The following NECTIN4 variants were observed in gnomAD, a reference collection of about 807,000 sequenced individuals.
The protein encoded by NECTIN4 is nectin-4.
In NECTIN4, 19 loss-of-function variants were observed where a neutral mutation model predicts 51.7. The observed-to-expected ratio is 0.37, with a 90% CI of 0.26 to 0.54. The LOEUF (loss-of-function observed/expected upper bound fraction) is 0.54, where lower values mean the gene tolerates loss of function less well. NECTIN4 is among the 20% of genes least tolerant of loss of function. The probability of loss-of-function intolerance (pLI) is 0.86; values close to 1 mark genes in which losing one functional copy is unlikely to be tolerated. For synonymous variants in NECTIN4, 283 were observed against 286.9 expected, an observed-to-expected ratio of 0.99 and a Z score of 0.14; for missense variants, 619 against 662.4, an observed-to-expected ratio of 0.93 and a Z score of 0.72.
chr1:161,073,865 G>A (rs755777797), intron 6 of NECTIN4, 70 bp from the exon 7 acceptor site: 172 of 1,400,350 alleles, frequency 1.2e-4, no homozygotes, highest in Middle Eastern at 1.8e-4. Context: ...TATCCTGGCT[G>A]AGCCTAGTGA....
chr1:161,074,698 G>T lies in NECTIN4; in HGVS notation c.913C>A (p.Leu305Met). ...TAGATGCCGCTGTGCTCAGTGGTCA[G>T]TGGGGGAAAGCCCAAAGTGTCCCCA... ...VDGDTLGFPP[L>M]TTEHSGIYVC... The change falls in exon 5 of 9, where the codon CTG becomes ATG. Residue 305 changes from leucine (L) to methionine (M), a missense_variant. Leu to Met is a conservative substitution (Grantham distance 15, BLOSUM62 2). This residue lies in a region of NECTIN4 where 364 missense variants were observed against 415.7 expected (regional missense o/e 0.88). Coordinates refer to ENST00000368012, the MANE Select transcript of NECTIN4 (RefSeq NM_030916.3). 1 of 1,614,228 alleles carries T rather than the reference G, an allele frequency of 6.2e-7. No individual in the cohort carries two copies. The highest frequency in any genetic ancestry group is 8.5e-7 in the Non-Finnish European group (1 of 1,180,042).
At position 161,072,540 on chromosome 1, in the gene NECTIN4, T is replaced by C; in HGVS notation, c.*121A>G. On this transcript the variant is annotated 3_prime_UTR_variant, in exon 9 of 9. Transcript: ENST00000368012. ...AGGGTTGGAGGTAAAGGTCAAGCAG[T>C]CAGTGGGATGGGGAGCATCTTCCGC... The C allele has an allele frequency of 1.2e-6, 1 of 825,438 alleles. No individual in the cohort carries two copies. The highest frequency in any genetic ancestry group is 2.1e-6 in the Non-Finnish European group (1 of 482,190). 51.1% of individuals were successfully genotyped at this position (825,438 alleles called of 1,614,324 possible).
chr1:161,086,081 C>T (rs1653931788), intron 1 of NECTIN4, among the ~76,000 whole-genome samples: 2 of 152,250 alleles, frequency 1.3e-5, no homozygotes, highest in Non-Finnish European at 2.9e-5. Context: ...CATCCCTTCT[C>T]TCTGCCTAGA....
At chr1:161,077,851 C>T (rs1349885404) in intron 2 of NECTIN4, 108 bp from the exon 3 acceptor site, 1 of 1,012,416 alleles carries the variant, frequency 9.9e-7, no homozygotes, top group Non-Finnish European at 1.4e-6. Context: ...GGCCCCCTTT[C>T]CTTCTCTTAT....
At chr1:161,088,640 G>A (rs545700104) in intron 1 of NECTIN4, among the ~76,000 whole-genome samples, 2 of 152,274 alleles carry the variant, frequency 1.3e-5, no homozygotes, top group South Asian at 4.2e-4. Context: ...GGGTCAGAGT[G>A]ACGGGCATTC....
rs778303068 is a variant in NECTIN4, at chr1:161,077,769, A to C, written c.440-26T>G. ...CTGCAAATGGGGAAAGGCAGGGGTCACAGGTCTACACAATCCCTGTCAGGA... is the reference window on the plus strand; with the variant it reads ...CTGCAAATGGGGAAAGGCAGGGGTCCCAGGTCTACACAATCCCTGTCAGGA... On this transcript the variant is annotated intron_variant, in intron 2 of 8. Transcript: ENST00000368012. 5.0e-6 allele frequency: 8 copies of C among 1,591,654 alleles called. No homozygotes were observed. The South Asian group carries it at 8.8e-5, about 18-fold the overall frequency.
At chr1:161,078,009 T>C (rs1328433776) in intron 2 of NECTIN4, among the ~76,000 whole-genome samples, 2 of 152,212 alleles carry the variant, frequency 1.3e-5, no homozygotes, top group Non-Finnish European at 2.9e-5. Flanking sequence ...TACCTAATAA[T>C]AATAACCACC....
intron 4 of NECTIN4, among the ~76,000 whole-genome samples, chr1:161,074,984 C>T (rs1653350371): frequency 1.3e-5 from 2 of 152,358 alleles, no homozygotes; most frequent in East Asian, 1.9e-4. Flanking sequence ...GGAAGATCCA[C>T]ACGTGTGCCA....
Position 161,072,678 on chromosome 1 carries a change from G to A in NECTIN4, c.1516C>T (p.Arg506Trp), listed in dbSNP as rs1478255615. 1.9e-6 allele frequency: 3 copies of A among 1,614,088 alleles called. No individual in the cohort carries two copies. Among genetic ancestry groups the A allele is most frequent in the African/African-American group, 1.3e-5 (1 of 75,044 alleles). ...GGCCTGGGTCAGACCAGGTGTCCCC[G>A]CCCATTGATGTAGATGCCATTGCCC... Reference protein sequence around the residue: ...PTGNGIYINGRGHLV With the variant: ...PTGNGIYINGWGHLV The change falls in exon 9 of 9, where the codon CGG becomes TGG. Residue 506 changes from arginine to tryptophan, a missense_variant. Physicochemically the swap from Arg to Trp is moderately radical, Grantham distance 101. Transcript: ENST00000368012.
chr1:161,084,836 TG>T (rs568497905), intron 1 of NECTIN4: 1 of 149,968 alleles, frequency 6.7e-6, no homozygotes, highest in Non-Finnish European at 1.5e-5. Flanking sequence ...GGTGTGGGTT[TG>T]GGGGGGTGAG....
rs907713780 is a variant in NECTIN4, at chr1:161,071,629, G to A, written c.*1032C>T. On this transcript the variant is annotated 3_prime_UTR_variant, in exon 9 of 9. Transcript: ENST00000368012. ...CAATCACAGGAATTAACCCCCTGGT[G>A]TTGGAGGGGCCTCACTTTAAGCAAT... is the stretch of plus-strand genomic sequence containing the variant. The A allele has an allele frequency of 1.3e-5, 2 of 152,158 alleles. No homozygotes were observed. The highest frequency in any genetic ancestry group is 4.8e-5 in the African/African-American group (2 of 41,430). 9.4% of individuals were successfully genotyped at this position (152,158 alleles called of 1,614,324 possible).
In NECTIN4 at chr1:161,079,711, G is replaced by T. The variant is rs1653584228; in HGVS notation, c.318C>A (p.Asn106Lys). Residue 106 changes from asparagine to lysine, a missense_variant, in exon 2 of 9, where the codon AAC (asparagine) becomes AAA (lysine). By Grantham distance (94) the Asn-to-Lys change is moderately conservative. This residue lies in a region of NECTIN4 where 218 missense variants were observed against 186.3 expected (regional missense o/e 1.17). Coordinates refer to ENST00000368012, the MANE Select transcript of NECTIN4 (RefSeq NM_030916.3). Reference protein sequence around the residue: ...GRVEQPPPPRNPLDGSVLLRN... With the variant: ...GRVEQPPPPRKPLDGSVLLRN... The stretch of plus-strand genomic sequence containing the variant: ...GCAGGAGCACTGAGCCGTCCAGGGG[G>T]TTGCGTGGGGGCGGCGGCTGCTCCA... 1.2e-6 allele frequency: 2 copies of T among 1,609,038 alleles called. No homozygotes were observed. The highest frequency in any genetic ancestry group is 1.7e-6 in the Non-Finnish European group (2 of 1,179,770).
intron 8 of NECTIN4, 112 bp downstream of exon 8, chr1:161,073,113 C>T: frequency 9.9e-7 from 1 of 1,007,402 alleles, no homozygotes; most frequent in Non-Finnish European, 1.6e-6. Flanking sequence ...GCTGCATGAG[C>T]CAGGGCTAAG....
chr1:161,087,199 G>A (rs11590097), intron 1 of NECTIN4: 15,915 of 152,220 alleles, frequency 0.1, 862 homozygotes, highest in Non-Finnish European at 0.12. Flanking sequence ...CAGAATGGGG[G>A]TGGTAGTGGA....
rs535755638 is a variant in NECTIN4, at chr1:161,072,573, G to C, written c.*88C>G. On this transcript the variant is annotated 3_prime_UTR_variant, in exon 9 of 9. Coordinates refer to ENST00000368012, the MANE Select transcript of NECTIN4 (RefSeq NM_030916.3). ...ATGGGGAGCATCTTCCGCAAGAAAT[G>C]GGGGTGTTTAAGGAGGCCCCCAAGA... 1 of 1,067,240 alleles carries C rather than the reference G, an allele frequency of 9.4e-7. No homozygotes were observed. Among genetic ancestry groups the C allele is most frequent in the South Asian group, 1.3e-5 (1 of 79,218 alleles). The allele number at this position is 1,067,240 out of a possible 1,614,324, so 66.1% of individuals were successfully genotyped here. A position where few individuals can be genotyped will look rare whatever the true frequency, so the allele number is the denominator to read the frequency against.
chr1:161,082,208 A>G (rs1452147472), intron 1 of NECTIN4, among the ~76,000 whole-genome samples: 1 of 152,138 alleles, frequency 6.6e-6, no homozygotes. Context: ...GGGCGCCTGT[A>G]GTCCCAGCTA....
At chr1:161,075,997 AC>A (rs1653398510) in intron 4 of NECTIN4, among the ~76,000 whole-genome samples, 2 of 152,004 alleles carry the variant, frequency 1.3e-5, no homozygotes, top group Admixed American at 6.5e-5. Context: ...AACTGCTTGA[AC>A]CCAGGAGGCG....
At chr1:161,088,690 G>A (rs952500407) in intron 1 of NECTIN4, among the ~76,000 whole-genome samples, 9 of 152,090 alleles carry the variant, frequency 5.9e-5, no homozygotes, top group African/African-American at 2.2e-4. Flanking sequence ...CCCAGTCCTG[G>A]TGCTCTAGAA....
chr1:161,086,083 C>T (rs185340965), intron 1 of NECTIN4, among the ~76,000 whole-genome samples: 4 of 152,344 alleles, frequency 2.6e-5, no homozygotes, highest in Non-Finnish European at 5.9e-5. Flanking sequence ...TCCCTTCTCT[C>T]TGCCTAGACT....
Sources: allele counts gnomAD v4.1 joint callset (sites outside exome capture counted in the v4.1 genomes callset), GRCh38; gene constraint gnomAD v4.1.1; regional missense constraint gnomAD v4.1.1; transcripts MANE v1.5; gene names NCBI Gene and HGNC (gene_info 2026-07-23, HGNC 2026-07-21).